Variants in SYNE3 observed in about 807,000 individuals in gnomAD.
SYNE3 encodes nesprin-3.
SYNE3 carries 100 observed loss-of-function variants against 111.2 expected under a neutral mutation model. The ratio of observed to expected loss-of-function variants is 0.90; its 90% CI spans 0.77 to 1.06. The LOEUF is 1.06. SYNE3 is among the 50% of genes least tolerant of loss of function. The pLI is 0.00. For synonymous variants in SYNE3, 547 were observed against 533.9 expected, an observed-to-expected ratio of 1.02 and a Z score of -0.34; for missense variants, 1,160 against 1,240.3, an observed-to-expected ratio of 0.94 and a Z score of 0.97.
At chr14:95,501,384 G>A (rs758335156) in intron 1 of SYNE3, among the ~76,000 whole-genome samples, 7 of 152,142 alleles carry the variant, frequency 4.6e-5, no homozygotes, top group African/African-American at 7.2e-5. Context: ...GGGAGGCCTC[G>A]TAGAGGAGCT....
rs933932643 is a variant in SYNE3 at position 95,411,114 on chromosome 14, A to G, written c.*6712T>C. On this transcript the variant is annotated 3_prime_UTR_variant, in exon 18 of 18. Transcript: ENST00000682763. The stretch of plus-strand genomic sequence containing the variant: ...AAGTTGGAACAAGACAGTCTATGGA[A>G]GCCCTCCAACTCTGACAGCCTGAAG... 2 of 152,184 alleles carry G rather than the reference A, an allele frequency of 1.3e-5. No homozygotes were observed. Among genetic ancestry groups the G allele is most frequent in the Non-Finnish European group, 2.9e-5 (2 of 68,048 alleles). The allele number at this position is 152,184 out of a possible 1,614,324, so 9.4% of individuals were successfully genotyped here.
At chr14:95,461,871 T>C (rs1044954792) in intron 4 of SYNE3, among the ~76,000 whole-genome samples, 1 of 152,226 alleles carries the variant, frequency 6.6e-6, no homozygotes, top group Admixed American at 6.5e-5. Context: ...TGCAGGCTGC[T>C]GGGTATGTGG....
At chr14:95,438,963 T>C in intron 14 of SYNE3, 70 bp downstream of exon 14, 1 of 1,595,284 alleles carries the variant, frequency 6.3e-7, no homozygotes. Flanking sequence ...GGGCCTGTGC[T>C]GGAGACCCCT....
intron 4 of SYNE3, among the ~76,000 whole-genome samples, chr14:95,464,530 A>G (rs1387909352): frequency 6.6e-6 from 1 of 152,094 alleles, no homozygotes; most frequent in South Asian, 2.1e-4. Flanking sequence ...ACAAACAAAC[A>G]AAAAAAACCA....
intron 6 of SYNE3, among the ~76,000 whole-genome samples, chr14:95,454,521 G>T (rs988594791): frequency 1.3e-5 from 2 of 152,248 alleles, no homozygotes; most frequent in Non-Finnish European, 2.9e-5. Context: ...CCTCCAAGGC[G>T]CATTGAGGCA....
intron 6 of SYNE3, among the ~76,000 whole-genome samples, chr14:95,454,483 C>T (rs1887287760): frequency 6.6e-6 from 1 of 152,244 alleles, no homozygotes; most frequent in Non-Finnish European, 1.5e-5. Flanking sequence ...GCCCCAAAGT[C>T]CCCATCCCTC....
rs907709865 is a variant in SYNE3 at position 95,408,294 on chromosome 14, T to G, written c.*9532A>C. On this transcript the variant is annotated 3_prime_UTR_variant, in exon 18 of 18. Coordinates refer to ENST00000682763, the MANE Select transcript of SYNE3 (RefSeq NM_152592.6). ...GTAATCGTTCCTCCAAAGCTGGTAT[T>G]GGAAACTTGCCATTTTCCCAACACA... 4 of 151,796 alleles carry G rather than the reference T, an allele frequency of 2.6e-5. No individual in the cohort carries two copies. Among genetic ancestry groups the G allele is most frequent in the African/African-American group, 9.7e-5 (4 of 41,294 alleles). The allele number at this position is 151,796 out of a possible 1,614,324, so 9.4% of individuals were successfully genotyped here.
chr14:95,481,917 G>A (rs1248193304), intron 1 of SYNE3, among the ~76,000 whole-genome samples: 1 of 152,240 alleles, frequency 6.6e-6, no homozygotes, highest in Non-Finnish European at 1.5e-5. Context: ...TCGCCTGCTG[G>A]GTCAGCACGT....
At chr14:95,468,931 C>G (rs775789093) in intron 2 of SYNE3, among the ~76,000 whole-genome samples, 94 of 152,094 alleles carry the variant, frequency 6.2e-4, no homozygotes, top group Non-Finnish European at 7.5e-4. Flanking sequence ...GATTCCAATC[C>G]CAGGGCCACT....
intron 11 of SYNE3, among the ~76,000 whole-genome samples, chr14:95,440,316 G>C (rs1215900104): frequency 6.6e-6 from 1 of 152,264 alleles, no homozygotes; most frequent in African/African-American, 2.4e-5. Context: ...GTCTAGGTGA[G>C]GGTGGGGGAA....
chr14:95,475,250 C>T (rs1482760048), intron 2 of SYNE3, among the ~76,000 whole-genome samples: 1 of 152,224 alleles, frequency 6.6e-6, no homozygotes, highest in Non-Finnish European at 1.5e-5. Flanking sequence ...GAGCCCCTTC[C>T]CCGCTCCTCT....
chr14:95,436,250 T>G (rs1327204012), intron 15 of SYNE3, among the ~76,000 whole-genome samples: 3 of 152,246 alleles, frequency 2.0e-5, no homozygotes, highest in African/African-American at 7.2e-5. Flanking sequence ...ATTAATGTTA[T>G]GCTGGCTCCT....
intron 1 of SYNE3, among the ~76,000 whole-genome samples, chr14:95,513,048 A>G (rs1890778179): frequency 1.3e-5 from 2 of 152,054 alleles, no homozygotes. Flanking sequence ...TTTCTTTTTT[A>G]AACCAGCTTA....
intron 1 of SYNE3, among the ~76,000 whole-genome samples, chr14:95,491,071 T>C (rs1889826966): frequency 6.6e-6 from 1 of 152,194 alleles, no homozygotes. Context: ...CTGGCTGTTC[T>C]TGGGGCCAGG....
intron 1 of SYNE3, among the ~76,000 whole-genome samples, chr14:95,513,300 T>G (rs1283639588): frequency 6.6e-6 from 1 of 152,174 alleles, no homozygotes. Flanking sequence ...TTGGTTGTGT[T>G]TTGAGCTTTT....
At chr14:95,501,487 C>A (rs201573224) in intron 1 of SYNE3, among the ~76,000 whole-genome samples, 2 of 152,214 alleles carry the variant, frequency 1.3e-5, no homozygotes, top group East Asian at 3.9e-4. Flanking sequence ...GTGCCACGTG[C>A]AGCAGAGGAA....
At chr14:95,426,202 A>T (rs981178772) in intron 17 of SYNE3, among the ~76,000 whole-genome samples, 1 of 152,164 alleles carries the variant, frequency 6.6e-6, no homozygotes, top group Non-Finnish European at 1.5e-5. Context: ...ATCATCAAAG[A>T]CTGATTGCTT....
intron 10 of SYNE3, chr14:95,443,613 G>A (rs1264629877): frequency 3.0e-5 from 8 of 271,180 alleles, no homozygotes; most frequent in African/African-American, 8.8e-5. Flanking sequence ...GAGGAAACAC[G>A]TCCCAATTTT....
intron 5 of SYNE3, among the ~76,000 whole-genome samples, chr14:95,456,612 A>G (rs1393378153): frequency 6.6e-6 from 1 of 152,174 alleles, no homozygotes; most frequent in Admixed American, 6.5e-5. Context: ...TTGGAGACCC[A>G]CCAGCCTAGA....
Sources: allele counts gnomAD v4.1 joint callset (sites outside exome capture counted in the v4.1 genomes callset), GRCh38; gene constraint gnomAD v4.1.1; transcripts MANE v1.5; gene names NCBI Gene and HGNC (gene_info 2026-07-23, HGNC 2026-07-21).